PHACTR1: variants seen among roughly 807,000 people sequenced by gnomAD.
The protein encoded by PHACTR1 is phosphatase and actin regulator 1.
A neutral mutation model predicts 69.2 loss-of-function variants in PHACTR1; 16 were observed. The observed-to-expected ratio is 0.23, with a 90% CI of 0.16 to 0.35. PHACTR1 has a LOEUF of 0.35. Among genes scored for constraint, PHACTR1 ranks in the 10% least tolerant of loss-of-function variants. PHACTR1 has a pLI of 1.00. For missense variants in PHACTR1, 510 were observed against 734.7 expected (o/e 0.69, Z 3.54); for synonymous variants, 312 against 284.5 (o/e 1.10, Z -0.97).
chr6:13,216,993 T>A (rs1473083638), intron 8 of PHACTR1, among the ~76,000 whole-genome samples: 1 of 152,196 alleles, frequency 6.6e-6, no homozygotes, highest in African/African-American at 2.4e-5. Context: ...TCAATAGAAA[T>A]ACTGCCCTTT....
At chr6:12,838,363 T>C (rs1778366996) in intron 4 of PHACTR1, among the ~76,000 whole-genome samples, 1 of 152,200 alleles carries the variant, frequency 6.6e-6, no homozygotes, top group African/African-American at 2.4e-5. Flanking sequence ...ATCTGATGCC[T>C]GTCTCCTCCT....
intron 5 of PHACTR1, among the ~76,000 whole-genome samples, chr6:13,140,690 A>AAAAAG (rs1351555838): frequency 6.6e-6 from 1 of 152,220 alleles, no homozygotes; most frequent in African/African-American, 2.4e-5. Context: ...TTACAAGTTG[A>AAAAAG]AAAAGTTCTG....
intron 5 of PHACTR1, among the ~76,000 whole-genome samples, chr6:13,091,514 G>A (rs1270533002): frequency 1.3e-5 from 2 of 152,164 alleles, no homozygotes; most frequent in African/African-American, 4.8e-5. Context: ...CAGTTGTGTG[G>A]AAGACAATTT....
chr6:12,784,914 G>A (rs192864938), intron 4 of PHACTR1, among the ~76,000 whole-genome samples: 144 of 151,544 alleles, frequency 9.5e-4, no homozygotes, highest in Non-Finnish European at 1.6e-3. Flanking sequence ...TCTCCATGTC[G>A]ATCAGGCTGG....
At chr6:12,755,299 A>G (rs1414958373) in intron 4 of PHACTR1, among the ~76,000 whole-genome samples, 1 of 152,210 alleles carries the variant, frequency 6.6e-6, no homozygotes, top group African/African-American at 2.4e-5. Context: ...TAATGCATCA[A>G]TTTCCTAAGA....
intron 4 of PHACTR1, among the ~76,000 whole-genome samples, chr6:12,944,862 G>A (rs955198892): frequency 5.2e-4 from 79 of 150,826 alleles, no homozygotes; most frequent in Non-Finnish European, 7.1e-4. Context: ...GGCTCACTGC[G>A]AGCTCCGCCT....
chr6:13,256,815 C>G (rs1775251918), intron 10 of PHACTR1, among the ~76,000 whole-genome samples: 1 of 152,066 alleles, frequency 6.6e-6, no homozygotes, highest in South Asian at 2.1e-4. Flanking sequence ...ATTTTGGTCA[C>G]AAGCCATTCA....
At chr6:13,109,381 C>G (rs1308547525) in intron 5 of PHACTR1, among the ~76,000 whole-genome samples, 3 of 151,488 alleles carry the variant, frequency 2.0e-5, no homozygotes, top group Admixed American at 6.6e-5. Context: ...TTGATTTTAC[C>G]TTAATTTTGT....
chr6:12,795,220 A>C lies in PHACTR1; in HGVS notation c.250+45430A>C, dbSNP rs1581783299. Reference sequence around the variant, plus strand: ...ATTTACAAGATGATATTTCCTAGAGAGAGAAGAGAGAAATTCTAGTTAATA... The same window carrying C: ...ATTTACAAGATGATATTTCCTAGAGCGAGAAGAGAGAAATTCTAGTTAATA... On this transcript the variant is annotated intron_variant, in intron 4 of 14. Coordinates refer to ENST00000332995, the MANE Select transcript of PHACTR1 (RefSeq NM_030948.6). Among the ~76,000 whole-genome samples, 4 of 150,266 alleles carry C rather than the reference A, an allele frequency of 2.7e-5. No homozygotes were observed. The South Asian group carries it at 8.4e-4, about 32-fold the overall frequency.
intron 5 of PHACTR1, among the ~76,000 whole-genome samples, chr6:13,074,550 A>G (rs755588996): frequency 2.9e-4 from 44 of 152,366 alleles, no homozygotes; most frequent in South Asian, 6.2e-4. Flanking sequence ...AGCATTCCAC[A>G]TGCAGGAAAA....
At chr6:13,143,539 G>C (rs188676213) in intron 5 of PHACTR1, among the ~76,000 whole-genome samples, 8 of 152,308 alleles carry the variant, frequency 5.3e-5, no homozygotes, top group Middle Eastern at 3.4e-3. Context: ...CTGGGCTGGG[G>C]CCTGAGATTC....
At chr6:13,222,153 C>A (rs898711528) in intron 8 of PHACTR1, among the ~76,000 whole-genome samples, 2 of 152,118 alleles carry the variant, frequency 1.3e-5, no homozygotes, top group Non-Finnish European at 2.9e-5. Flanking sequence ...GAACACAACC[C>A]ATGTGCAATG....
At chr6:12,763,164 G>T (rs1379660519) in intron 4 of PHACTR1, among the ~76,000 whole-genome samples, 1 of 152,162 alleles carries the variant, frequency 6.6e-6, no homozygotes, top group Non-Finnish European at 1.5e-5. Context: ...AGTAAGCTAA[G>T]ATCGTGCCAT....
chr6:12,942,749 C>T (rs1403583561), intron 4 of PHACTR1, among the ~76,000 whole-genome samples: 5 of 152,162 alleles, frequency 3.3e-5, no homozygotes, highest in Admixed American at 2.0e-4. Context: ...TAGTGTTTGA[C>T]AATGCAGTTC....
chr6:13,114,359 G>T (rs1817496605), intron 5 of PHACTR1, among the ~76,000 whole-genome samples: 1 of 152,020 alleles, frequency 6.6e-6, no homozygotes, highest in Non-Finnish European at 1.5e-5. Flanking sequence ...CATATTCTTG[G>T]TACATTCTTA....
chr6:13,284,811 C>T (rs1781294545), intron 13 of PHACTR1, among the ~76,000 whole-genome samples: 1 of 152,092 alleles, frequency 6.6e-6, no homozygotes, highest in Non-Finnish European at 1.5e-5. Context: ...AGGCACATTG[C>T]TGCACTTGGC....
intron 4 of PHACTR1, among the ~76,000 whole-genome samples, chr6:12,896,405 T>G (rs1784675489): frequency 6.6e-6 from 1 of 152,206 alleles, no homozygotes; most frequent in Non-Finnish European, 1.5e-5. Context: ...AGACCACATA[T>G]TCCCTTGACA....
At chr6:12,907,168 T>C (rs1405387987) in intron 4 of PHACTR1, among the ~76,000 whole-genome samples, 1 of 152,224 alleles carries the variant, frequency 6.6e-6, no homozygotes, top group Non-Finnish European at 1.5e-5. Flanking sequence ...CAATGAACAA[T>C]TGGCTTTTTC....
chr6:12,874,937 C>T (rs1782389541), intron 4 of PHACTR1, among the ~76,000 whole-genome samples: 2 of 152,342 alleles, frequency 1.3e-5, no homozygotes, highest in African/African-American at 2.4e-5. Flanking sequence ...AGAACTAATT[C>T]ATCTGGCAGA....
Sources: gnomAD v4.1 joint callset for allele counts (sites outside exome capture counted in the v4.1 genomes callset) on GRCh38, gnomAD v4.1.1 for gene constraint, MANE v1.5 for transcripts, NCBI Gene and HGNC (gene_info 2026-07-23, HGNC 2026-07-21) for gene names.